The following LMBR1 variants were observed in gnomAD, a reference collection of about 807,000 sequenced individuals.
LMBR1 encodes limb region 1 protein homolog.
A neutral mutation model predicts 73.9 loss-of-function variants in LMBR1; 52 were observed. The observed-to-expected ratio is 0.70, with a 90% CI of 0.56 to 0.89. The LOEUF (loss-of-function observed/expected upper bound fraction) is 0.89. Ranked by LOEUF, LMBR1 falls within the 40% of genes least tolerant of loss-of-function variation. The pLI is 0.00. For synonymous variants in LMBR1, 215 were observed against 209.4 expected (o/e 1.03, Z -0.23); for missense variants, 539 against 579.8 (o/e 0.93, Z 0.72).
At chr7:156,746,370 T>C (rs1819860394) in intron 9 of LMBR1, among the ~76,000 whole-genome samples, 1 of 152,154 alleles carries the variant, frequency 6.6e-6, no homozygotes, top group Non-Finnish European at 1.5e-5. Context: ...GACATCAGAA[T>C]AGAAAGTATT....
chr7:156,882,271 G>A (rs546103964), intron 1 of LMBR1, among the ~76,000 whole-genome samples: 15 of 152,198 alleles, frequency 9.9e-5, no homozygotes, highest in East Asian at 7.7e-4. Context: ...GTGAGACATC[G>A]TCTCTACAAA....
chr7:156,797,874 A>G (rs1277072655), intron 4 of LMBR1, among the ~76,000 whole-genome samples: 1 of 152,192 alleles, frequency 6.6e-6, no homozygotes, highest in Non-Finnish European at 1.5e-5. Context: ...TTATAAAACA[A>G]TATCTTAACA....
At chr7:156,676,368 T>C, downstream of LMBR1, 1 of 1,613,844 alleles carries the variant, frequency 6.2e-7, no homozygotes, top group South Asian at 1.1e-5. Flanking sequence ...AGTAACTTTC[T>C]GCTGTGATGA....
chr7:156,856,946 A>C (rs1797061440), intron 1 of LMBR1, among the ~76,000 whole-genome samples: 6 of 152,274 alleles, frequency 3.9e-5, no homozygotes, highest in Admixed American at 2.0e-4. Context: ...TGTTATGTGA[A>C]AGTGAAGGTA....
chr7:156,757,796 G>A (rs1395010836), intron 8 of LMBR1, among the ~76,000 whole-genome samples: 1 of 152,188 alleles, frequency 6.6e-6, no homozygotes. Context: ...TACAGCTGAT[G>A]TGAAATTTAT....
intron 15 of LMBR1, among the ~76,000 whole-genome samples, chr7:156,709,412 C>T: frequency 6.6e-6 from 1 of 152,228 alleles, no homozygotes; most frequent in East Asian, 1.9e-4. Context: ...AGAAAGCCAG[C>T]ATACTAAACA....
At chr7:156,820,571 C>T (rs530567145) in intron 4 of LMBR1, among the ~76,000 whole-genome samples, 118 of 152,278 alleles carry the variant, frequency 7.7e-4, no homozygotes, top group African/African-American at 2.7e-3. Flanking sequence ...CCTTCTATCT[C>T]AGTGAAATTT....
rs780029420 is a variant in LMBR1 at position 156,849,943 on chromosome 7, G to T, written c.67-13058C>A. The stretch of plus-strand genomic sequence containing the variant: ...CATGTGTGGAGCCAAGGGATATATG[G>T]AAAAATCTCATTACCTTCACCCAAT... On this transcript the variant is annotated intron_variant, in intron 1 of 16. Transcript: ENST00000353442. 2.0e-4 allele frequency among the ~76,000 whole-genome samples: 31 copies of T among 152,214 alleles called. 1 individual carries two copies. The highest frequency in any genetic ancestry group is 4.0e-4 in the Non-Finnish European group (27 of 68,002).
intron 1 of LMBR1, among the ~76,000 whole-genome samples, chr7:156,845,911 G>C (rs1207320181): frequency 2.0e-5 from 3 of 150,868 alleles, no homozygotes; most frequent in Admixed American, 1.3e-4. Context: ...ACCACAATGG[G>C]AAAAGAACTG....
intron 1 of LMBR1, among the ~76,000 whole-genome samples, chr7:156,839,979 A>G (rs1430362668): frequency 6.6e-6 from 1 of 152,246 alleles, no homozygotes; most frequent in African/African-American, 2.4e-5. Context: ...ATTGTTTACA[A>G]TGGAATGAAG....
intron 1 of LMBR1, among the ~76,000 whole-genome samples, chr7:156,874,027 C>T (rs1194845886): frequency 6.6e-6 from 1 of 152,242 alleles, no homozygotes; most frequent in African/African-American, 2.4e-5. Flanking sequence ...CTTGGGTGGT[C>T]GATGGGACTG....
At position 156,718,026 on chromosome 7, in the gene LMBR1, A is replaced by G. The variant is rs552536257; in HGVS notation, c.1225+6086T>C. ...ATTTATGCATTCACTTATATGATTA[A>G]AAACTAAAAACACAATTTCCTACAA... On this transcript the variant is annotated intron_variant, in intron 15 of 16. Transcript: ENST00000353442. 3.9e-5 allele frequency among the ~76,000 whole-genome samples: 6 copies of G among 152,298 alleles called. No homozygotes were observed. In the South Asian group the frequency reaches 1.2e-3, roughly 32 times the overall value.
At chr7:156,721,965 A>G (rs904296355) in intron 15 of LMBR1, among the ~76,000 whole-genome samples, 4 of 152,116 alleles carry the variant, frequency 2.6e-5, no homozygotes, top group Admixed American at 2.6e-4. Flanking sequence ...CAAATGTTTA[A>G]AAAAGAAACA....
chr7:156,780,128 A>T (rs1349328696), intron 5 of LMBR1, among the ~76,000 whole-genome samples: 1 of 152,236 alleles, frequency 6.6e-6, no homozygotes. Context: ...CTTTGTGAAA[A>T]GCTTTGTTAA....
chr7:156,849,390 A>G (rs899868520), intron 1 of LMBR1, among the ~76,000 whole-genome samples: 6 of 152,258 alleles, frequency 3.9e-5, no homozygotes, highest in Admixed American at 6.5e-5. Context: ...AAAACTACCA[A>G]TCAGGTACTA....
In LMBR1 at chr7:156,739,446, A is replaced by T. The variant is rs75517872; in HGVS notation, c.758-5189T>A. ...TCGTAGAGCCCTAGGGCCTTGAGAG[A>T]ACACAGGCAGTAGCCAAGCAGTGTT... On this transcript the variant is annotated intron_variant, in intron 9 of 16. Transcript: ENST00000353442. Among the ~76,000 whole-genome samples the T allele has an allele frequency of 2.1e-3, 323 of 152,276 alleles. 7 individuals are homozygous for T. The East Asian group carries it at 0.053, about 25-fold the overall frequency.
At chr7:156,689,060 C>T (rs529360835) in intron 15 of LMBR1, among the ~76,000 whole-genome samples, 10 of 152,166 alleles carry the variant, frequency 6.6e-5, no homozygotes, top group African/African-American at 2.2e-4. Context: ...CACCTATACA[C>T]ATTTGTAAAA....
At chr7:156,774,282 C>T (rs1825737808) in intron 5 of LMBR1, among the ~76,000 whole-genome samples, 1 of 152,164 alleles carries the variant, frequency 6.6e-6, no homozygotes, top group Non-Finnish European at 1.5e-5. Context: ...TAAATTAGTT[C>T]AGCCATGTGG....
chr7:156,837,099 G>A (rs1837770052), intron 1 of LMBR1, among the ~76,000 whole-genome samples: 1 of 151,828 alleles, frequency 6.6e-6, no homozygotes, highest in South Asian at 2.1e-4. Flanking sequence ...CAAGGCGGGT[G>A]GATCATCTGA....
Sources: gnomAD v4.1 joint callset for allele counts (sites outside exome capture counted in the v4.1 genomes callset) on GRCh38, gnomAD v4.1.1 for gene constraint, MANE v1.5 for transcripts, NCBI Gene and HGNC (gene_info 2026-07-23, HGNC 2026-07-21) for gene names.